The following MAT1A variants were observed in gnomAD, a reference collection of about 807,000 sequenced individuals.
MAT1A encodes the protein methionine adenosyltransferase 1A.
Under a neutral mutation model 44.0 loss-of-function variants are expected in MAT1A, and 19 were observed. The observed-to-expected ratio is 0.43, with a 90% CI of 0.30 to 0.63. The LOEUF (loss-of-function observed/expected upper bound fraction) is 0.63. Ranked by LOEUF, MAT1A falls within the 30% of genes least tolerant of loss-of-function variation. The pLI, the probability that MAT1A is intolerant of heterozygous loss-of-function variation, is 0.12. For missense variants in MAT1A, 397 were observed against 531.0 expected, an observed-to-expected ratio of 0.75 and a Z score of 2.48; for synonymous variants, 205 against 205.6, an observed-to-expected ratio of 1.00 and a Z score of 0.03.
In MAT1A at chr10:80,273,876, C is replaced by T. The variant is rs1377426272; in HGVS notation, c.1093G>A (p.Asp365Asn). ...LRPGVIVRDL[D>N]LKKPIYQKTA... is the part of the protein sequence containing the mutation. ...TTCTGGTAGATGGGCTTCTTCAAGT[C>T]CAAATCCCTGCATGTCCAGCAGAAA... is the stretch of plus-strand genomic sequence containing the variant. The change falls in exon 9 of 9, where the codon GAC (aspartate) becomes AAC (asparagine). Residue 365 changes from aspartate (D) to asparagine (N), a missense_variant. Physicochemically the swap from Asp to Asn is conservative, Grantham distance 23 (BLOSUM62 1). Transcript: ENST00000372213. The T allele has an allele frequency of 3.1e-6, 5 of 1,606,860 alleles. No individual in the cohort carries two copies. The highest frequency in any genetic ancestry group is 4.3e-6 in the Non-Finnish European group (5 of 1,173,568).
chr10:80,283,670 C>T lies in MAT1A; in HGVS notation c.292+246G>A, dbSNP rs9421464. On this transcript the variant is annotated intron_variant, in intron 3 of 8. Transcript: ENST00000372213. The stretch of plus-strand genomic sequence containing the variant: ...AAAGCCTTTGGCAGCGCCAAGAAGG[C>T]AAGGCCTAAAACAAGCCCAATCAAC... Among the ~76,000 whole-genome samples, 111,139 of 152,278 alleles carry T rather than the reference C, an allele frequency of 0.73. 41,074 individuals are homozygous for T. The highest frequency in any genetic ancestry group is 0.97 in the East Asian group (5,012 of 5,180).
chr10:80,275,559 C>T (rs1372462224), intron 6 of MAT1A: 1 of 347,720 alleles, frequency 2.9e-6, no homozygotes, highest in Non-Finnish European at 5.5e-6. Context: ...GCTGGTGCCA[C>T]CTAGCAAATG....
In MAT1A at chr10:80,277,808, G is replaced by A. The variant is rs576109046; in HGVS notation, c.550-1214C>T. 8.5e-5 allele frequency among the ~76,000 whole-genome samples: 13 copies of A among 152,270 alleles called. No individual in the cohort carries two copies. In the South Asian group the frequency reaches 1.9e-3, roughly 22 times the overall value. On this transcript the variant is annotated intron_variant, in intron 5 of 8. Coordinates refer to ENST00000372213, the MANE Select transcript of MAT1A (RefSeq NM_000429.3). ...CAGAGCAAAGGGCCCTGAACACGGC[G>A]CTTATCTCATCATGTCAGCAAGATG...
At chr10:80,287,948 A>C (rs1163955483) in intron 1 of MAT1A, among the ~76,000 whole-genome samples, 1 of 152,134 alleles carries the variant, frequency 6.6e-6, no homozygotes, top group Non-Finnish European at 1.5e-5. Context: ...ACCTCTACTC[A>C]ATACATGGCA....
At position 80,289,613 on chromosome 10, in the gene MAT1A, G is replaced by A. The variant is rs1589485364; in HGVS notation, c.-190C>T. 3.1e-6 allele frequency: 2 copies of A among 640,624 alleles called. No individual in the cohort carries two copies. Among genetic ancestry groups the A allele is most frequent in the East Asian group, 2.8e-5 (1 of 35,236 alleles). The allele number at this position is 640,624 out of a possible 1,614,324, so 39.7% of individuals were successfully genotyped here. On this transcript the variant is annotated 5_prime_UTR_variant, in exon 1 of 9. Transcript: ENST00000372213. ...ACAGGCGAGGACTGCTGAGAAGGGA[G>A]GGAGTGGATGGAACACGGGATGTGT...
chr10:80,282,609 T>C (rs1426543474), intron 3 of MAT1A, among the ~76,000 whole-genome samples: 1 of 152,148 alleles, frequency 6.6e-6, no homozygotes, highest in Non-Finnish European at 1.5e-5. Context: ...TCTGGGACAA[T>C]GTGTTTCCTC....
At chr10:80,287,477 C>T (rs1841663542) in intron 1 of MAT1A, among the ~76,000 whole-genome samples, 1 of 152,180 alleles carries the variant, frequency 6.6e-6, no homozygotes, top group South Asian at 2.1e-4. Context: ...TGGACAATTA[C>T]AATGGCAAGT....
chr10:80,288,446 C>T (rs926424663), intron 1 of MAT1A, among the ~76,000 whole-genome samples: 9 of 152,194 alleles, frequency 5.9e-5, no homozygotes, highest in Admixed American at 2.0e-4. Context: ...GTTTGAGAAC[C>T]ACTGTCCTAC....
Position 80,273,701 on chromosome 10 carries a change from T to A in MAT1A, c.*80A>T. ...GAGGGTTGGTGGGTGGGGAAGGCGA[T>A]CAGCAGCCAGGCGTCTGGGGAAGAG... On this transcript the variant is annotated 3_prime_UTR_variant, in exon 9 of 9. Coordinates refer to ENST00000372213, the MANE Select transcript of MAT1A (RefSeq NM_000429.3). 4 of 1,034,466 alleles carry A rather than the reference T, an allele frequency of 3.9e-6. No homozygotes were observed. Among genetic ancestry groups the A allele is most frequent in the Non-Finnish European group, 6.1e-6 (4 of 653,888 alleles). The allele number at this position is 1,034,466 out of a possible 1,614,324, so 64.1% of individuals were successfully genotyped here. A position where few individuals can be genotyped will look rare whatever the true frequency, so the allele number is the denominator to read the frequency against.
Position 80,276,556 on chromosome 10 carries a change from G to A in MAT1A, c.588C>T (p.Ile196=), listed in dbSNP as rs770815016. 49 of 1,613,522 alleles carry A rather than the reference G, an allele frequency of 3.0e-5. No homozygotes were observed. Among genetic ancestry groups the A allele is most frequent in the Non-Finnish European group, 4.2e-5 (49 of 1,180,042 alleles). Reference sequence around the variant, plus strand: ...TGACGATGGTGTGGATGCGCACAGGGATGACTGCGCCATTGTCCTGCATGT... The same window carrying A: ...TGACGATGGTGTGGATGCGCACAGGAATGACTGCGCCATTGTCCTGCATGT... ...VQYMQDNGAV[I]PVRIHTIVIS... Residue 196 remains isoleucine, a synonymous_variant, in exon 6 of 9, where the codon ATC becomes ATT. Coordinates refer to ENST00000372213, the MANE Select transcript of MAT1A (RefSeq NM_000429.3).
At chr10:80,275,384 C>T (rs1841473204) in intron 6 of MAT1A, 185 bp from the exon 7 acceptor site, 1 of 640,970 alleles carries the variant, frequency 1.6e-6, no homozygotes, top group East Asian at 2.7e-5. Context: ...TCACTGACAA[C>T]ATATTGAAAA....
intron 2 of MAT1A, 127 bp downstream of exon 2, chr10:80,285,385 T>C: frequency 1.3e-6 from 1 of 770,384 alleles, no homozygotes; most frequent in Non-Finnish European, 2.4e-6. Flanking sequence ...AATTGAGAAA[T>C]CTACTGCAGA....
intron 5 of MAT1A, among the ~76,000 whole-genome samples, chr10:80,277,943 G>A (rs564035526): frequency 6.6e-6 from 1 of 152,378 alleles, no homozygotes; most frequent in African/African-American, 2.4e-5. Context: ...CAGGTGGAAA[G>A]ACCCATCCTG....
intron 8 of MAT1A, 124 bp downstream of exon 8, chr10:80,274,396 C>T (rs992907290): frequency 2.2e-6 from 3 of 1,379,510 alleles, no homozygotes; most frequent in Non-Finnish European, 3.1e-6. Context: ...GTACCAAGAG[C>T]TCACAGACCC....
chr10:80,287,375 G>T (rs944279572), intron 1 of MAT1A, among the ~76,000 whole-genome samples: 3 of 152,198 alleles, frequency 2.0e-5, no homozygotes. Flanking sequence ...TGGAAAACCA[G>T]AGAAGAAAAC....
intron 3 of MAT1A, among the ~76,000 whole-genome samples, chr10:80,281,666 C>A (rs1841569536): frequency 6.6e-6 from 1 of 152,194 alleles, no homozygotes; most frequent in African/African-American, 2.4e-5. Context: ...CCCATCTATT[C>A]TCCTACCCAC....
chr10:80,285,745 G>A (rs960943069), intron 1 of MAT1A, among the ~76,000 whole-genome samples, 156 bp from the exon 2 acceptor site: 2 of 151,984 alleles, frequency 1.3e-5, no homozygotes, highest in Non-Finnish European at 2.9e-5. Flanking sequence ...GAAATACTTT[G>A]AAATTTTTAT....
intron 5 of MAT1A, among the ~76,000 whole-genome samples, chr10:80,276,983 A>G (rs967546542): frequency 3.9e-5 from 6 of 152,294 alleles, no homozygotes; most frequent in African/African-American, 1.4e-4. Context: ...CCTCCTGCCA[A>G]TGATGCAGAT....
intron 5 of MAT1A, among the ~76,000 whole-genome samples, chr10:80,278,592 C>G (rs1296616513): frequency 6.6e-6 from 1 of 152,260 alleles, no homozygotes; most frequent in Non-Finnish European, 1.5e-5. Flanking sequence ...CCAAGGAATG[C>G]TGATGGTTCC....
Sources: allele counts gnomAD v4.1 joint callset (sites outside exome capture counted in the v4.1 genomes callset), GRCh38; gene constraint gnomAD v4.1.1; transcripts MANE v1.5; gene names NCBI Gene and HGNC (gene_info 2026-07-23, HGNC 2026-07-21).